ACBD3: variants seen among roughly 807,000 people sequenced by gnomAD.
The protein encoded by ACBD3 is Golgi resident protein GCP60.
ACBD3 carries 30 observed loss-of-function variants against 66.9 expected under a neutral mutation model. The ratio of observed to expected loss-of-function variants is 0.45; its 90% CI spans 0.34 to 0.61. The LOEUF (loss-of-function observed/expected upper bound fraction) is 0.61, where lower values mean the gene tolerates loss of function less well. ACBD3 is among the 20% of genes least tolerant of loss of function. The probability of loss-of-function intolerance (pLI) is 0.02; values close to 1 mark genes in which losing one functional copy is unlikely to be tolerated. For synonymous variants in ACBD3, 278 were observed against 259.8 expected (o/e 1.07, Z -0.68); for missense variants, 544 against 664.5 (o/e 0.82, Z 1.99).
Position 226,144,910 on chromosome 1 carries a change from T to C in ACBD3, c.*1700A>G, listed in dbSNP as rs1278473896. ...CTTAACATGTGCAAGGACAAATTTG[T>C]AATCAAAGGCTGGAAGAAATATATA... On this transcript the variant is annotated 3_prime_UTR_variant, in exon 8 of 8. Transcript: ENST00000366812. 1 of 152,644 alleles carries C rather than the reference T, an allele frequency of 6.6e-6. No homozygotes were observed. 9.5% of individuals were successfully genotyped at this position (152,644 alleles called of 1,614,324 possible). A position where few individuals can be genotyped will look rare whatever the true frequency, so the allele number is the denominator to read the frequency against.
In ACBD3 at chr1:226,176,590, C is replaced by G. The variant is rs575479120; in HGVS notation, c.286+9800G>C. 1.3e-4 allele frequency among the ~76,000 whole-genome samples: 20 copies of G among 152,228 alleles called. No individual in the cohort carries two copies. The East Asian group carries it at 2.5e-3, about 19-fold the overall frequency. On this transcript the variant is annotated intron_variant, in intron 1 of 7. Coordinates refer to ENST00000366812, the MANE Select transcript of ACBD3 (RefSeq NM_022735.4). ...TTGCTTGTGGTCATATTTATTACTA[C>G]AATTTTTTACACCTTCTTTAACAAT...
chr1:226,159,944 G>A (rs572436476), intron 4 of ACBD3, among the ~76,000 whole-genome samples: 54 of 152,252 alleles, frequency 3.5e-4, no homozygotes, highest in African/African-American at 1.3e-3. Flanking sequence ...GTTACAGGTG[G>A]CCCTGGTAAG....
chr1:226,152,518 C>T lies in ACBD3; in HGVS notation c.1192G>A (p.Gly398Ser). The change falls in exon 7 of 8, where the codon GGC becomes AGC. Residue 398 changes from glycine (G) to serine (S), a missense_variant. Gly to Ser is a moderately conservative substitution (Grantham distance 56). Transcript: ENST00000366812. ...CGAACAGTGACCACTTCTCCTCGGC[C>T]CACTGTAATCACGGAATCTGCATCC... ...QQDADSVITV[G>S]RGEVVTVRVP... 6.2e-7 allele frequency: 1 copy of T among 1,614,180 alleles called. No homozygotes were observed. The highest frequency in any genetic ancestry group is 8.5e-7 in the Non-Finnish European group (1 of 1,180,032).
At chr1:226,166,107 A>G in intron 1 of ACBD3, 107 bp from the exon 2 acceptor site, 1 of 1,241,464 alleles carries the variant, frequency 8.1e-7, no homozygotes, top group Non-Finnish European at 1.1e-6. Flanking sequence ...AACTGCCTGT[A>G]ATAGACACAA....
chr1:226,149,444 C>T (rs1161758144), intron 7 of ACBD3, among the ~76,000 whole-genome samples: 1 of 146,110 alleles, frequency 6.8e-6, no homozygotes, highest in Non-Finnish European at 1.5e-5. Flanking sequence ...CCAGGCTGGT[C>T]TTGAACTCCT....
At chr1:226,175,232 A>AT (rs1253807168) in intron 1 of ACBD3, among the ~76,000 whole-genome samples, 1 of 152,188 alleles carries the variant, frequency 6.6e-6, no homozygotes, top group Non-Finnish European at 1.5e-5. Context: ...AGTAAAACAC[A>AT]TTTTTGGAAA....
At position 226,146,240 on chromosome 1, in the gene ACBD3, G is replaced by A. The variant is rs772889272; in HGVS notation, c.*370C>T. On this transcript the variant is annotated 3_prime_UTR_variant, in exon 8 of 8. Coordinates refer to ENST00000366812, the MANE Select transcript of ACBD3 (RefSeq NM_022735.4). ...TCAAATTAGAGGACACTGTAACTAC[G>A]GGCTCTCATAAGACACATGGAGCAG... The A allele has an allele frequency of 2.3e-5, 4 of 173,624 alleles. No homozygotes were observed. Among genetic ancestry groups the A allele is most frequent in the Non-Finnish European group, 4.9e-5 (4 of 81,266 alleles). 10.8% of individuals were successfully genotyped at this position (173,624 alleles called of 1,614,324 possible).
At chr1:226,158,061 T>C (rs1233099270) in intron 5 of ACBD3, among the ~76,000 whole-genome samples, 2 of 152,214 alleles carry the variant, frequency 1.3e-5, no homozygotes, top group Non-Finnish European at 2.9e-5. Context: ...CCACTTATTA[T>C]CTTGAATAAA....
At chr1:226,154,519 TA>T in intron 6 of ACBD3, 127 bp downstream of exon 6, 6 of 1,098,390 alleles carry the variant, frequency 5.5e-6, no homozygotes, top group Admixed American at 2.8e-5. Flanking sequence ...CTAAAAAGAG[TA>T]AAAAAATGTT....
chr1:226,146,368 C>T lies in ACBD3; in HGVS notation c.*242G>A, dbSNP rs950167304. 1 of 470,498 alleles carries T rather than the reference C, an allele frequency of 2.1e-6. No homozygotes were observed. Among genetic ancestry groups the T allele is most frequent in the Non-Finnish European group, 3.8e-6 (1 of 261,364 alleles). 29.1% of individuals were successfully genotyped at this position (470,498 alleles called of 1,614,324 possible). A position where few individuals can be genotyped will look rare whatever the true frequency, so the allele number is the denominator to read the frequency against. On this transcript the variant is annotated 3_prime_UTR_variant, in exon 8 of 8. Transcript: ENST00000366812. ...GTAGCTCATGTAACTTCAGCATCCA[C>T]TAGTGACTCTGCTGGTCAGCACCCA...
At chr1:226,168,150 A>G (rs1477286403) in intron 1 of ACBD3, among the ~76,000 whole-genome samples, 1 of 152,116 alleles carries the variant, frequency 6.6e-6, no homozygotes, top group Non-Finnish European at 1.5e-5. Context: ...GATTAACAAT[A>G]AAATACTGTA....
intron 1 of ACBD3, among the ~76,000 whole-genome samples, chr1:226,175,091 CAAAAAAAAAAA>C (rs35201518): frequency 3.9e-5 from 3 of 75,988 alleles, no homozygotes; most frequent in African/African-American, 5.0e-5. Flanking sequence ...GACTCCATCT[CAAAAAAAAAAA>C]AAAAAAAAAG....
intron 1 of ACBD3, among the ~76,000 whole-genome samples, chr1:226,182,235 A>C (rs2102791856): frequency 6.6e-6 from 1 of 152,144 alleles, no homozygotes; most frequent in East Asian, 1.9e-4. Flanking sequence ...TCTAAAAAAA[A>C]AAAAAGAATT....
intron 3 of ACBD3, among the ~76,000 whole-genome samples, chr1:226,163,866 A>T (rs958331642): frequency 5.3e-5 from 8 of 152,194 alleles, no homozygotes; most frequent in Non-Finnish European, 1.5e-5. Flanking sequence ...CATGCCTGTA[A>T]TCCCAGCACT....
At chr1:226,147,810 T>C (rs1659487562) in intron 7 of ACBD3, among the ~76,000 whole-genome samples, 1 of 152,206 alleles carries the variant, frequency 6.6e-6, no homozygotes, top group Admixed American at 6.5e-5. Context: ...TCTAGAAACC[T>C]ACAGGAATGA....
In ACBD3 at chr1:226,159,980, AG is replaced by A. The variant is rs776305208; in HGVS notation, c.729-623del. On this transcript the variant is annotated intron_variant, in intron 4 of 7. Transcript: ENST00000366812. ...TATAAATAAAGCCAGTGAAAAATTA[AG>A]GGTCCACAGCATTTAATTTAAAGCC... is the stretch of plus-strand genomic sequence containing the variant. Among the ~76,000 whole-genome samples the A allele has an allele frequency of 1.1e-3, 173 of 152,362 alleles. 2 individuals carry two copies. The highest frequency in any genetic ancestry group is 1.3e-3 in the Non-Finnish European group (90 of 68,018).
intron 1 of ACBD3, among the ~76,000 whole-genome samples, chr1:226,176,246 T>C (rs1656032329): frequency 6.6e-6 from 1 of 152,010 alleles, no homozygotes; most frequent in South Asian, 2.1e-4. Context: ...GCCAACATGG[T>C]GAAGCCCTGT....
intron 1 of ACBD3, among the ~76,000 whole-genome samples, chr1:226,181,957 G>A (rs1558132593): frequency 6.6e-6 from 1 of 152,148 alleles, no homozygotes; most frequent in Non-Finnish European, 1.5e-5. Context: ...CTGGCCGGGC[G>A]TGGTAGCTCA....
Sources: gnomAD v4.1 joint callset for allele counts (sites outside exome capture counted in the v4.1 genomes callset) on GRCh38, gnomAD v4.1.1 for gene constraint, MANE v1.5 for transcripts, NCBI Gene and HGNC (gene_info 2026-07-23, HGNC 2026-07-21) for gene names.